LMTK2: variants seen among roughly 807,000 people sequenced by gnomAD.
The protein encoded by LMTK2 is lemur tail kinase 2, also known as serine/threonine-protein kinase LMTK2.
LMTK2 carries 37 observed loss-of-function variants against 127.5 expected under a neutral mutation model. The ratio of observed to expected loss-of-function variants is 0.29; its 90% CI spans 0.22 to 0.38. The LOEUF (loss-of-function observed/expected upper bound fraction) is 0.38. Among genes scored for constraint, LMTK2 ranks in the 10% least tolerant of loss-of-function variants. LMTK2 has a pLI of 1.00. For missense variants in LMTK2, 1,694 were observed against 1,920.3 expected (o/e 0.88, Z 2.20); for synonymous variants, 819 against 810.1 (o/e 1.01, Z -0.19).
chr7:98,171,431 G>A lies in LMTK2; in HGVS notation c.658-110G>A. 1 of 1,398,950 alleles carries A rather than the reference G, an allele frequency of 7.1e-7. No individual in the cohort carries two copies. Among genetic ancestry groups the A allele is most frequent in the Non-Finnish European group, 1.0e-6 (1 of 989,440 alleles). 86.7% of individuals were successfully genotyped at this position (1,398,950 alleles called of 1,614,324 possible). A position where few individuals can be genotyped will look rare whatever the true frequency, so the allele number is the denominator to read the frequency against. ...GGAACTTCTTTAAGTATGAACAAAA[G>A]AAGTTTCTAATAAATAATCTTAACA... On this transcript the variant is annotated intron_variant, in intron 6 of 13. Transcript: ENST00000297293. The surrounding 1 kb of genome is among the most constrained non-coding windows in gnomAD (Gnocchi z 5.1).
intron 4 of LMTK2, 24 bp from the exon 5 acceptor site, chr7:98,154,734 C>CA (rs1456507972): frequency 1.1e-5 from 16 of 1,471,478 alleles, no homozygotes; most frequent in Non-Finnish European, 1.3e-5. Flanking sequence ...GGAAATGACA[C>CA]AAAAAACTGT....
chr7:98,187,186 T>G (rs1274062767), intron 9 of LMTK2, among the ~76,000 whole-genome samples, 188 bp downstream of exon 9: 2 of 152,240 alleles, frequency 1.3e-5, no homozygotes. Context: ...GGAGTTAACG[T>G]TTTGAATACT....
At chr7:98,140,920 G>T (rs1286180263) in intron 2 of LMTK2, among the ~76,000 whole-genome samples, 4 of 151,768 alleles carry the variant, frequency 2.6e-5, no homozygotes, top group African/African-American at 9.7e-5. Context: ...ACCTGGGCGT[G>T]GTGATGCGTG....
At chr7:98,147,953 CCTGTAAT>C (rs1179455354) in intron 3 of LMTK2, among the ~76,000 whole-genome samples, 1 of 152,144 alleles carries the variant, frequency 6.6e-6, no homozygotes, top group South Asian at 2.1e-4. Flanking sequence ...GTGGCTCACA[CCTGTAAT>C]TCCAGCACTT....
Position 98,171,752 on chromosome 7 carries a change from C to A in LMTK2, c.791+78C>A. On this transcript the variant is annotated intron_variant, in intron 7 of 13. Coordinates refer to ENST00000297293, the MANE Select transcript of LMTK2 (RefSeq NM_014916.4). The surrounding 1 kb of genome is among the most constrained non-coding windows in gnomAD (Gnocchi z 5.1). ...CAGAGAGGCTGCCGAGTTTGTGAAA[C>A]TTAAGGAGGACAGGAGGTGGCAGAA... 1 of 1,440,540 alleles carries A rather than the reference C, an allele frequency of 6.9e-7. No homozygotes were observed. 89.2% of individuals were successfully genotyped at this position (1,440,540 alleles called of 1,614,324 possible). A position where few individuals can be genotyped will look rare whatever the true frequency, so the allele number is the denominator to read the frequency against.
rs1364831744 is a variant in LMTK2, at chr7:98,194,555, G to A, written c.4090G>A (p.Val1364Ile). 6.2e-7 allele frequency: 1 copy of A among 1,606,266 alleles called. No homozygotes were observed. The highest frequency in any genetic ancestry group is 1.7e-5 in the Admixed American group (1 of 59,998). Residue 1364 changes from valine to isoleucine, a missense_variant, in exon 11 of 14, where the codon GTC (valine) becomes ATC (isoleucine). Physicochemically the swap from Val to Ile is conservative, Grantham distance 29 (BLOSUM62 3). Transcript: ENST00000297293. This position sits in a 1 kb window ranked among gnomAD's most constrained non-coding sequence, Gnocchi z 5.4. ...KAVTFFDDVTVYLFDQETPTK... is the reference protein window; with the variant it reads ...KAVTFFDDVTIYLFDQETPTK... ...AGTCACGTTTTTCGATGATGTCACA[G>A]TCTACCTGTTTGACCAGGTATCTGT...
In LMTK2 at chr7:98,155,211, TAGAAGACATAA is replaced by T. The variant is rs1278541022; in HGVS notation, c.569+348_569+358del. ...AAAAAAAATAGTCTCAGCAGAGAAA[TAGAAGACATAA>T]AGAAGACATAAATGGAAACCTCAGG... On this transcript the variant is annotated intron_variant, in intron 5 of 13. Transcript: ENST00000297293. Among the ~76,000 whole-genome samples the T allele has an allele frequency of 2.0e-5, 3 of 152,184 alleles. No individual in the cohort carries two copies. The East Asian group carries it at 5.8e-4, about 29-fold the overall frequency.
chr7:98,124,872 C>T (rs1405740423), intron 1 of LMTK2, among the ~76,000 whole-genome samples: 2 of 152,208 alleles, frequency 1.3e-5, no homozygotes, highest in Non-Finnish European at 2.9e-5. Context: ...GTTTAGAATA[C>T]TGCCTGGAAC....
chr7:98,125,954 C>T (rs970948656), intron 1 of LMTK2, among the ~76,000 whole-genome samples: 16 of 152,298 alleles, frequency 1.1e-4, no homozygotes, highest in South Asian at 4.1e-4. Context: ...ATAGTAGCAC[C>T]GGGTACTTCC....
chr7:98,151,567 T>A (rs1166426716), intron 4 of LMTK2, 112 bp downstream of exon 4: 12 of 809,650 alleles, frequency 1.5e-5, no homozygotes, highest in Non-Finnish European at 2.4e-5. Flanking sequence ...GGCCCTGCGT[T>A]ACTAATTGAG....
intron 7 of LMTK2, among the ~76,000 whole-genome samples, chr7:98,181,924 T>A (rs1797362399): frequency 6.6e-6 from 1 of 152,222 alleles, no homozygotes; most frequent in Admixed American, 6.5e-5. Context: ...CCCAAAGTGC[T>A]GGGATTACAG....
chr7:98,168,486 T>C (rs1797136639), intron 6 of LMTK2, among the ~76,000 whole-genome samples: 1 of 152,250 alleles, frequency 6.6e-6, no homozygotes, highest in Non-Finnish European at 1.5e-5. Flanking sequence ...GTCTATATCA[T>C]TCTTTCATCC....
At chr7:98,159,921 G>A (rs6958785) in intron 6 of LMTK2, among the ~76,000 whole-genome samples, 19,541 of 152,174 alleles carry the variant, frequency 0.13, 2,017 homozygotes, top group African/African-American at 0.28. Context: ...TGTTTAAAGA[G>A]TTAGATTTAT....
chr7:98,171,104 T>C lies in LMTK2; in HGVS notation c.658-437T>C, dbSNP rs1562913299. Among the ~76,000 whole-genome samples, 1 of 152,092 alleles carries C rather than the reference T, an allele frequency of 6.6e-6. No homozygotes were observed. Among genetic ancestry groups the C allele is most frequent in the Non-Finnish European group, 1.5e-5 (1 of 68,032 alleles). On this transcript the variant is annotated intron_variant, in intron 6 of 13. Transcript: ENST00000297293. This position sits in a 1 kb window ranked among gnomAD's most constrained non-coding sequence, Gnocchi z 5.1. ...CTTTCCTTCTCTCCCGCTCCATTGC[T>C]CCTCCAAGCTTTGGCAGTAACCACG...
intron 3 of LMTK2, among the ~76,000 whole-genome samples, chr7:98,150,411 G>A (rs191328747): frequency 2.6e-5 from 4 of 152,214 alleles, no homozygotes; most frequent in Non-Finnish European, 4.4e-5. Flanking sequence ...GCAAAGAGAC[G>A]GAGCAACTGG....
intron 7 of LMTK2, among the ~76,000 whole-genome samples, chr7:98,182,359 A>G (rs1304922962): frequency 6.6e-6 from 1 of 152,232 alleles, no homozygotes; most frequent in Non-Finnish European, 1.5e-5. Context: ...GGGTTATATA[A>G]AGCATATATG....
At chr7:98,165,975 G>A (rs935572883) in intron 6 of LMTK2, among the ~76,000 whole-genome samples, 4 of 151,998 alleles carry the variant, frequency 2.6e-5, no homozygotes, top group Non-Finnish European at 2.9e-5. Context: ...TCGGGGGTAC[G>A]TTCCCAGTCC....
At chr7:98,190,231 T>C (rs1213873301) in intron 9 of LMTK2, among the ~76,000 whole-genome samples, 1 of 152,216 alleles carries the variant, frequency 6.6e-6, no homozygotes, top group Non-Finnish European at 1.5e-5. Flanking sequence ...TCTTCCTCAT[T>C]TTAACAGAAA....
At chr7:98,199,022 T>G (rs1797671748) in intron 11 of LMTK2, among the ~76,000 whole-genome samples, 2 of 152,210 alleles carry the variant, frequency 1.3e-5, no homozygotes, top group South Asian at 4.1e-4. Context: ...GTTGGAGATT[T>G]TATTGTATCT....
Sources: allele counts gnomAD v4.1 joint callset (sites outside exome capture counted in the v4.1 genomes callset), GRCh38; gene constraint gnomAD v4.1.1; non-coding constraint Gnocchi (gnomAD v3.1); transcripts MANE v1.5; gene names NCBI Gene and HGNC (gene_info 2026-07-23, HGNC 2026-07-21).